The following SCAPER variants were observed in gnomAD, a reference collection of about 807,000 sequenced individuals.
SCAPER encodes the protein S-phase cyclin A associated protein in the ER.
In SCAPER, 98 loss-of-function variants were observed where a neutral mutation model predicts 182.2. That is an observed-to-expected ratio of 0.54 (90% CI 0.46 to 0.64). SCAPER has a LOEUF of 0.64. Ranked by LOEUF, SCAPER falls within the 30% of genes least tolerant of loss-of-function variation. The pLI, the probability that SCAPER is intolerant of heterozygous loss-of-function variation, is 0.00. For missense variants in SCAPER, 1,432 were observed against 1,690.0 expected (o/e 0.85, Z 2.68); for synonymous variants, 605 against 564.6 (o/e 1.07, Z -1.01).
Position 76,795,426 on chromosome 15 carries a change from G to A in SCAPER, c.626C>T (p.Thr209Ile). The A allele has an allele frequency of 6.3e-7, 1 of 1,596,922 alleles. No individual in the cohort carries two copies. The highest frequency in any genetic ancestry group is 8.5e-7 in the Non-Finnish European group (1 of 1,171,726). Residue 209 changes from threonine (T) to isoleucine (I), a missense_variant, in exon 8 of 32, where the codon ACA becomes ATA. Transcript: ENST00000563290. ...GGGAGCCAGACGAGGAGCTGGCACT[G>A]TGCCAGTTGAACCTCTATGGAGAAA... ...RSLNFGGSTG[T>I]VPAPRLAPTG...
intron 25 of SCAPER, among the ~76,000 whole-genome samples, chr15:76,455,009 T>C (rs745401650): frequency 1.3e-5 from 2 of 152,168 alleles, no homozygotes; most frequent in Admixed American, 1.3e-4. Flanking sequence ...GTTCAAAGTA[T>C]TTTCTTAACT....
chr15:76,854,227 C>A (rs1185911706), intron 4 of SCAPER, among the ~76,000 whole-genome samples: 1 of 151,974 alleles, frequency 6.6e-6, no homozygotes, highest in Admixed American at 6.6e-5. Context: ...CGAGATCATG[C>A]CACTGCACTC....
At chr15:76,607,393 A>G (rs192104008) in intron 22 of SCAPER, among the ~76,000 whole-genome samples, 3 of 152,180 alleles carry the variant, frequency 2.0e-5, no homozygotes, top group African/African-American at 4.8e-5. Context: ...TCAGCTGTTC[A>G]TCTGATGGGC....
chr15:76,705,811 C>G, intron 18 of SCAPER, 92 bp downstream of exon 18: 1 of 813,186 alleles, frequency 1.2e-6, no homozygotes, highest in Non-Finnish European at 1.9e-6. Context: ...ATTAAGAATA[C>G]AAATTAATTC....
intron 23 of SCAPER, among the ~76,000 whole-genome samples, chr15:76,524,697 T>G (rs1238376440): frequency 7.0e-6 from 1 of 143,484 alleles, no homozygotes; most frequent in Non-Finnish European, 1.5e-5. Flanking sequence ...CTGTTTTTTT[T>G]TTTTTTTTTT....
intron 1 of SCAPER, among the ~76,000 whole-genome samples, chr15:76,887,373 A>G (rs2073897516): frequency 6.6e-6 from 1 of 152,188 alleles, no homozygotes; most frequent in Non-Finnish European, 1.5e-5. Flanking sequence ...GGGAAGCACA[A>G]GGGGTTGGGG....
chr15:76,672,965 T>TTGAGGGGGAAAAAAAACAAGTCAC (rs2057129038), intron 20 of SCAPER, among the ~76,000 whole-genome samples: 2 of 152,034 alleles, frequency 1.3e-5, no homozygotes, highest in Non-Finnish European at 2.9e-5. Flanking sequence ...TATTTCAGCA[T>TTGAGGGGGAAAAAAAACAAGTCAC]TTAGGGGGAA....
chr15:76,428,024 T>C (rs935078294), intron 26 of SCAPER, among the ~76,000 whole-genome samples: 7 of 151,804 alleles, frequency 4.6e-5, no homozygotes, highest in African/African-American at 1.7e-4. Flanking sequence ...TGCTTGACCC[T>C]GGGGGGTTGA....
At chr15:76,838,228 A>G (rs2069126103) in intron 5 of SCAPER, among the ~76,000 whole-genome samples, 1 of 152,294 alleles carries the variant, frequency 6.6e-6, no homozygotes, top group East Asian at 1.9e-4. Flanking sequence ...ACATAGGAAA[A>G]AACAAGATCA....
chr15:76,508,680 G>A (rs1382208818), intron 23 of SCAPER, among the ~76,000 whole-genome samples: 1 of 152,086 alleles, frequency 6.6e-6, no homozygotes, highest in Non-Finnish European at 1.5e-5. Flanking sequence ...TTTACTGGCT[G>A]TTTGTGATTT....
chr15:76,569,967 C>T (rs1480360028), intron 23 of SCAPER, among the ~76,000 whole-genome samples: 1 of 151,996 alleles, frequency 6.6e-6, no homozygotes, highest in East Asian at 1.9e-4. Context: ...GGTTTTTATG[C>T]ATGTTGTCTT....
At chr15:76,697,306 G>C (rs1218727297) in intron 20 of SCAPER, among the ~76,000 whole-genome samples, 1 of 152,080 alleles carries the variant, frequency 6.6e-6, no homozygotes, top group Non-Finnish European at 1.5e-5. Context: ...AGGAAGAAGA[G>C]GCTATAACCA....
chr15:76,551,613 G>A (rs370738712), intron 23 of SCAPER, among the ~76,000 whole-genome samples: 4 of 152,132 alleles, frequency 2.6e-5, no homozygotes, highest in East Asian at 1.9e-4. Flanking sequence ...AGTTAGATAC[G>A]AGGAATAAGT....
chr15:76,492,912 G>T (rs1349232603), intron 24 of SCAPER, among the ~76,000 whole-genome samples: 4 of 148,502 alleles, frequency 2.7e-5, no homozygotes, highest in African/African-American at 7.5e-5. Flanking sequence ...TGGATATTTG[G>T]ATCAGAGTAT....
chr15:76,727,631 G>A (rs1221593711), intron 17 of SCAPER, among the ~76,000 whole-genome samples: 1 of 152,002 alleles, frequency 6.6e-6, no homozygotes, highest in Non-Finnish European at 1.5e-5. Flanking sequence ...ATAAAATTTT[G>A]AAGAATGTCT....
At chr15:76,687,380 C>CTAAT (rs1202061302) in intron 20 of SCAPER, among the ~76,000 whole-genome samples, 1 of 152,000 alleles carries the variant, frequency 6.6e-6, no homozygotes, top group Non-Finnish European at 1.5e-5. Context: ...ATTCTCTTAC[C>CTAAT]ATTATCCGAT....
At chr15:76,726,007 T>C (rs964062158) in intron 17 of SCAPER, among the ~76,000 whole-genome samples, 12 of 149,942 alleles carry the variant, frequency 8.0e-5, no homozygotes, top group Non-Finnish European at 1.6e-4. Flanking sequence ...AATTGAACTA[T>C]GTCCAAATTT....
intron 23 of SCAPER, among the ~76,000 whole-genome samples, chr15:76,523,172 C>T (rs1241151712): frequency 1.3e-5 from 2 of 151,898 alleles, no homozygotes; most frequent in Middle Eastern, 3.2e-3. Flanking sequence ...AATTAGAAGA[C>T]AATTTTATAA....
At chr15:76,604,951 A>G (rs1270930093) in intron 22 of SCAPER, among the ~76,000 whole-genome samples, 1 of 152,198 alleles carries the variant, frequency 6.6e-6, no homozygotes, top group Non-Finnish European at 1.5e-5. Flanking sequence ...TTTTCTAAAT[A>G]TACAATCATG....
Sources: allele counts gnomAD v4.1 joint callset (sites outside exome capture counted in the v4.1 genomes callset), GRCh38; gene constraint gnomAD v4.1.1; transcripts MANE v1.5; gene names NCBI Gene and HGNC (gene_info 2026-07-23, HGNC 2026-07-21).